Variants in THOC2 observed in about 807,000 individuals in gnomAD.
THOC2 encodes THO complex subunit 2.
In THOC2, 10 loss-of-function variants were observed where a neutral mutation model predicts 128.4. The ratio of observed to expected loss-of-function variants is 0.08; its 90% CI spans 0.05 to 0.13. The LOEUF (loss-of-function observed/expected upper bound fraction) is 0.13. Among genes scored for constraint, THOC2 ranks in the 10% least tolerant of loss-of-function variants. The probability of loss-of-function intolerance (pLI) is 1.00; values close to 1 mark genes in which losing one functional copy is unlikely to be tolerated. For synonymous variants in THOC2, 393 were observed against 396.9 expected (o/e 0.99, Z 0.12); for missense variants, 535 against 1,155.7 (o/e 0.46, Z 7.79).
rs779046220 is a variant in THOC2, at chrX:123,712,018, A to G, written c.130+832T>C. ...TATTATGAAAGTCATGATTTTTGGT[A>G]GAACAAAAATAAATATATATATATG... On this transcript the variant is annotated intron_variant, in intron 2 of 38. Transcript: ENST00000245838. Among the ~76,000 whole-genome samples the G allele has an allele frequency of 3.8e-5, 4 of 106,204 alleles. No individual in the cohort carries two copies. In the East Asian group the frequency reaches 1.2e-3, roughly 31 times the overall value. The allele number at this position is 106,204 out of a possible 115,157, so 92.2% of individuals were successfully genotyped here.
At chrX:123,631,221 A>C (rs1384178180) in intron 22 of THOC2, among the ~76,000 whole-genome samples, 1 of 111,976 alleles carries the variant, frequency 8.9e-6, no homozygotes, top group African/African-American at 3.2e-5. Context: ...CACAGCTGAG[A>C]CTGATCTACC....
intron 12 of THOC2, among the ~76,000 whole-genome samples, chrX:123,659,675 T>C (rs1204112771): frequency 8.9e-6 from 1 of 112,578 alleles, no homozygotes; most frequent in Non-Finnish European, 1.9e-5. Context: ...ATACCTCAAA[T>C]TTAAGAAACA....
chrX:123,645,015 C>A lies in THOC2; in HGVS notation c.1429-106G>T, dbSNP rs1214700317. The A allele has an allele frequency of 4.5e-6, 3 of 664,749 alleles. No homozygotes were observed. The East Asian group carries it at 1.0e-4, about 23-fold the overall frequency. 54.8% of individuals were successfully genotyped at this position (664,749 alleles called of 1,213,427 possible). ...AAATTACCATTTCTTAATAACATAA[C>A]ACACAATATCCCATTCCTCACCCAC... On this transcript the variant is annotated intron_variant, in intron 13 of 38. Transcript: ENST00000245838.
chrX:123,730,761 G>A (rs975922678), intron 1 of THOC2, among the ~76,000 whole-genome samples: 2 of 111,215 alleles, frequency 1.8e-5, no homozygotes, highest in African/African-American at 6.5e-5. Context: ...TGGATAACAC[G>A]GTGAAACTCC....
At chrX:123,717,468 A>C (rs1342099346) in intron 1 of THOC2, among the ~76,000 whole-genome samples, 1 of 111,453 alleles carries the variant, frequency 9.0e-6, no homozygotes, top group Non-Finnish European at 1.9e-5. Context: ...AATAAATTTA[A>C]CCAAGGAGGT....
At chrX:123,725,669 C>T (rs1021136753) in intron 1 of THOC2, among the ~76,000 whole-genome samples, 2 of 99,166 alleles carry the variant, frequency 2.0e-5, no homozygotes, top group African/African-American at 7.4e-5. Flanking sequence ...TCACAAAATA[C>T]GTTAAACCTA....
intron 21 of THOC2, 134 bp from the exon 22 acceptor site, chrX:123,631,986 C>T: frequency 1.8e-6 from 1 of 561,603 alleles, no homozygotes; most frequent in Non-Finnish European, 2.7e-6. Flanking sequence ...CAAGTATAAC[C>T]ACATGACCAT....
intron 22 of THOC2, among the ~76,000 whole-genome samples, chrX:123,629,169 G>T (rs1003366648): frequency 1.1e-5 from 1 of 88,468 alleles, no homozygotes. Flanking sequence ...CTATATATAT[G>T]AAGATAACAT....
At chrX:123,666,005 T>C (rs755228702) in intron 11 of THOC2, among the ~76,000 whole-genome samples, 168 bp from the exon 12 acceptor site, 1 of 111,633 alleles carries the variant, frequency 9.0e-6, no homozygotes, top group African/African-American at 3.3e-5. Context: ...CCTAACTTTA[T>C]TACACCAGAT....
At chrX:123,637,246 A>T (rs759190000) in intron 18 of THOC2, among the ~76,000 whole-genome samples, 1 of 111,971 alleles carries the variant, frequency 8.9e-6, no homozygotes, top group Non-Finnish European at 1.9e-5. Flanking sequence ...GACAATGGGG[A>T]GCCACTGCAA....
At chrX:123,718,849 C>T (rs965622331) in intron 1 of THOC2, among the ~76,000 whole-genome samples, 1 of 110,635 alleles carries the variant, frequency 9.0e-6, no homozygotes, top group Non-Finnish European at 1.9e-5. Context: ...GCAAGCCAAA[C>T]ATCAAATATG....
At chrX:123,654,240 C>A (rs1034547437) in intron 12 of THOC2, among the ~76,000 whole-genome samples, 2 of 109,282 alleles carry the variant, frequency 1.8e-5, no homozygotes, top group African/African-American at 6.7e-5. Context: ...GAACATCACA[C>A]ACAGGGGTCT....
At chrX:123,607,851 C>T (rs200749693) in intron 38 of THOC2, among the ~76,000 whole-genome samples, 3 of 110,129 alleles carry the variant, frequency 2.7e-5, no homozygotes, top group African/African-American at 6.6e-5. Context: ...TGTAAATAGA[C>T]GGTTCCAATC....
chrX:123,677,941 C>T (rs781764438), intron 8 of THOC2, among the ~76,000 whole-genome samples: 1 of 109,219 alleles, frequency 9.2e-6, no homozygotes, highest in African/African-American at 3.3e-5. Flanking sequence ...CACAAACACA[C>T]ACATGAGCCT....
At chrX:123,698,286 T>C (rs1275934286) in intron 4 of THOC2, among the ~76,000 whole-genome samples, 2 of 109,020 alleles carry the variant, frequency 1.8e-5, no homozygotes, top group Admixed American at 9.8e-5. Flanking sequence ...GGTGAAACCC[T>C]GTCTCTACTA....
intron 1 of THOC2, among the ~76,000 whole-genome samples, chrX:123,716,194 C>CA (rs2051408187): frequency 8.9e-6 from 1 of 112,742 alleles, no homozygotes; most frequent in Non-Finnish European, 1.9e-5. Context: ...ATTACACTAA[C>CA]AAAATGAAGG....
At chrX:123,683,206 A>G (rs1354480313) in intron 8 of THOC2, among the ~76,000 whole-genome samples, 1 of 111,891 alleles carries the variant, frequency 8.9e-6, no homozygotes, top group Non-Finnish European at 1.9e-5. Context: ...TCAGTGCTCA[A>G]AAAGTTTTGG....
At chrX:123,602,693 T>C (rs942399843) in intron 38 of THOC2, 1 of 111,141 alleles carries the variant, frequency 9.0e-6, no homozygotes, top group Non-Finnish European at 1.9e-5. Context: ...CTAAAAACCA[T>C]TGAATTGTAC....
chrX:123,642,959 T>C (rs1215152756), intron 15 of THOC2, among the ~76,000 whole-genome samples: 6 of 111,096 alleles, frequency 5.4e-5, no homozygotes, highest in Non-Finnish European at 1.1e-4. Flanking sequence ...AAAACAATCA[T>C]AGCAAGGTAC....
Sources: gnomAD v4.1 joint callset for allele counts (sites outside exome capture counted in the v4.1 genomes callset) on GRCh38, gnomAD v4.1.1 for gene constraint, MANE v1.5 for transcripts, NCBI Gene and HGNC (gene_info 2026-07-23, HGNC 2026-07-21) for gene names.